Variants in DDR2 observed in about 807,000 individuals in gnomAD.
DDR2 encodes the protein discoidin domain-containing receptor 2.
DDR2 carries 27 observed loss-of-function variants against 94.9 expected under a neutral mutation model. That is an observed-to-expected ratio of 0.28 (90% CI 0.21 to 0.39). DDR2 has a LOEUF of 0.39. Ranked by LOEUF, DDR2 falls within the 10% of genes least tolerant of loss-of-function variation. The pLI is 1.00. For missense variants in DDR2, 783 were observed against 1,076.0 expected (o/e 0.73, Z 3.81); for synonymous variants, 382 against 377.2 (o/e 1.01, Z -0.15).
chr1:162,724,689 C>T (rs1215972977), intron 3 of DDR2, among the ~76,000 whole-genome samples: 3 of 152,156 alleles, frequency 2.0e-5, no homozygotes, highest in Non-Finnish European at 2.9e-5. Flanking sequence ...CATCTGTTAA[C>T]GAGAAGGTGA....
chr1:162,676,264 C>G (rs376783157), intron 2 of DDR2, among the ~76,000 whole-genome samples: 36 of 152,148 alleles, frequency 2.4e-4, no homozygotes, highest in African/African-American at 8.0e-4. Flanking sequence ...CAGAAATGGG[C>G]AGAACAGCTC....
chr1:162,715,789 C>A (rs543787991), intron 2 of DDR2, among the ~76,000 whole-genome samples: 2 of 152,142 alleles, frequency 1.3e-5, no homozygotes, highest in Non-Finnish European at 2.9e-5. Context: ...GTCTCTGATT[C>A]GTAGTAGAAG....
At chr1:162,711,217 A>C (rs1229422020) in intron 2 of DDR2, among the ~76,000 whole-genome samples, 1 of 152,204 alleles carries the variant, frequency 6.6e-6, no homozygotes, top group Non-Finnish European at 1.5e-5. Flanking sequence ...AAGATTTGCT[A>C]TTCAAAGGAA....
At chr1:162,664,945 C>T (rs1189642091) in intron 2 of DDR2, among the ~76,000 whole-genome samples, 1 of 152,104 alleles carries the variant, frequency 6.6e-6, no homozygotes, top group Non-Finnish European at 1.5e-5. Flanking sequence ...TAGTCTTGTT[C>T]CTGGGGATAA....
chr1:162,753,851 A>G (rs141727153), intron 4 of DDR2, among the ~76,000 whole-genome samples: 4 of 152,304 alleles, frequency 2.6e-5, no homozygotes, highest in African/African-American at 7.2e-5. Flanking sequence ...TTTTATTAAA[A>G]TGGAATTACC....
At chr1:162,759,661 T>G in intron 7 of DDR2, 135 bp from the exon 8 acceptor site, 2 of 1,005,532 alleles carry the variant, frequency 2.0e-6, no homozygotes, top group Non-Finnish European at 3.0e-6. Context: ...ATCTGATTAT[T>G]TACAATCCTT....
chr1:162,684,229 C>A (rs891084047), intron 2 of DDR2, among the ~76,000 whole-genome samples: 17 of 152,112 alleles, frequency 1.1e-4, no homozygotes, highest in African/African-American at 3.9e-4. Context: ...TTAAACTTTT[C>A]TATCTCAGTT....
intron 2 of DDR2, among the ~76,000 whole-genome samples, chr1:162,711,377 C>T (rs142097511): frequency 1.1e-4 from 16 of 152,222 alleles, no homozygotes; most frequent in East Asian, 3.9e-4. Flanking sequence ...CAAAGTTACC[C>T]GGCATTGAAT....
rs1160017126 is a variant in DDR2, at chr1:162,782,499, C to T, written c.*2253C>T. ...ATGTGCAGGACTAGATACCTTGGGA[C>T]CTGCCACACTCCACTTTCAAGATAT... is the stretch of plus-strand genomic sequence containing the variant. On this transcript the variant is annotated 3_prime_UTR_variant, in exon 18 of 18. Coordinates refer to ENST00000367921, the MANE Select transcript of DDR2 (RefSeq NM_006182.4). 3 of 152,126 alleles carry T rather than the reference C, an allele frequency of 2.0e-5. No homozygotes were observed. The highest frequency in any genetic ancestry group is 4.4e-5 in the Non-Finnish European group (3 of 68,024). 9.4% of individuals were successfully genotyped at this position (152,126 alleles called of 1,614,324 possible). A position where few individuals can be genotyped will look rare whatever the true frequency, so the allele number is the denominator to read the frequency against.
intron 2 of DDR2, among the ~76,000 whole-genome samples, chr1:162,710,671 T>C (rs1201954497): frequency 1.3e-5 from 2 of 152,012 alleles, no homozygotes; most frequent in Admixed American, 6.6e-5. Context: ...GGCCCCTGAA[T>C]TAAAATACAT....
At chr1:162,743,873 C>T (rs1456969361) in intron 3 of DDR2, among the ~76,000 whole-genome samples, 1 of 152,208 alleles carries the variant, frequency 6.6e-6, no homozygotes, top group African/African-American at 2.4e-5. Context: ...TCTGGCCGCT[C>T]CTCCTTCCCC....
rs60937975 is a variant in DDR2 at position 162,672,374 on chromosome 1, T to C, written c.-28+17000T>C. Among the ~76,000 whole-genome samples the C allele has an allele frequency of 8.0e-3, 1,213 of 152,312 alleles. 26 individuals are homozygous for C. Among genetic ancestry groups the C allele is most frequent in the African/African-American group, 0.027 (1,138 of 41,566 alleles). On this transcript the variant is annotated intron_variant, in intron 2 of 17. Transcript: ENST00000367921. ...CTCCTGGTCCTCCACATTTTCCCTC[T>C]TGTGCCTTGACTTTTTGCGTTTCTA...
chr1:162,657,665 G>A (rs956853594), intron 2 of DDR2, among the ~76,000 whole-genome samples: 2 of 152,182 alleles, frequency 1.3e-5, no homozygotes, highest in African/African-American at 4.8e-5. Context: ...TTTCTAACAA[G>A]CTGTGGGGGG....
Position 162,745,768 on chromosome 1 carries a change from T to A in DDR2, c.83-7327T>A, listed in dbSNP as rs1250748746. 1.3e-5 allele frequency among the ~76,000 whole-genome samples: 2 copies of A among 152,354 alleles called. 1 individual carries two copies. Among genetic ancestry groups the A allele is most frequent in the East Asian group, 3.9e-4 (2 of 5,194 alleles). The stretch of plus-strand genomic sequence containing the variant: ...CGTGTGATACTTCTGACTGATTTCT[T>A]CTTTTTCAACATTGCTTTGGATATT... On this transcript the variant is annotated intron_variant, in intron 3 of 17. Coordinates refer to ENST00000367921, the MANE Select transcript of DDR2 (RefSeq NM_006182.4).
intron 2 of DDR2, among the ~76,000 whole-genome samples, chr1:162,672,814 C>T (rs1393358600): frequency 6.6e-6 from 1 of 152,062 alleles, no homozygotes; most frequent in Non-Finnish European, 1.5e-5. Context: ...ATGGACTGTG[C>T]TGACTGATCT....
At chr1:162,756,853 A>C (rs528111127) in intron 7 of DDR2, among the ~76,000 whole-genome samples, 4 of 152,296 alleles carry the variant, frequency 2.6e-5, no homozygotes, top group African/African-American at 9.6e-5. Flanking sequence ...CCCAACAGGC[A>C]TGTATTCAAG....
At chr1:162,637,000 T>C (rs1476134106) in intron 1 of DDR2, among the ~76,000 whole-genome samples, 2 of 152,122 alleles carry the variant, frequency 1.3e-5, no homozygotes, top group East Asian at 3.8e-4. Context: ...TAAAAAAAAA[T>C]CGCAGGTATA....
intron 2 of DDR2, among the ~76,000 whole-genome samples, chr1:162,672,409 T>C (rs1001059420): frequency 6.6e-6 from 1 of 152,154 alleles, no homozygotes; most frequent in Non-Finnish European, 1.5e-5. Flanking sequence ...AACTTTTCCC[T>C]GTTATATTTC....
intron 1 of DDR2, among the ~76,000 whole-genome samples, chr1:162,647,583 A>G (rs1315738774): frequency 1.3e-5 from 2 of 152,230 alleles, no homozygotes; most frequent in African/African-American, 2.4e-5. Context: ...TCTTGATTAT[A>G]TGCTAAATAA....
Sources: allele counts gnomAD v4.1 joint callset (sites outside exome capture counted in the v4.1 genomes callset), GRCh38; gene constraint gnomAD v4.1.1; transcripts MANE v1.5; gene names NCBI Gene and HGNC (gene_info 2026-07-23, HGNC 2026-07-21).